The following DHX30 variants were observed in gnomAD, a reference collection of about 807,000 sequenced individuals.
DHX30 encodes the protein ATP-dependent RNA helicase DHX30.
DHX30 carries 4 observed loss-of-function variants against 116.9 expected under a neutral mutation model. The observed-to-expected ratio is 0.03, with a 90% confidence interval of 0.02 to 0.08. The LOEUF is 0.08. Among genes scored for constraint, DHX30 ranks in the 10% least tolerant of loss-of-function variants. DHX30 has a pLI of 1.00. For synonymous variants in DHX30, 697 were observed against 651.7 expected, an observed-to-expected ratio of 1.07 and a Z score of -1.06; for missense variants, 871 against 1,595.1, an observed-to-expected ratio of 0.55 and a Z score of 7.73.
chr3:47,849,139 C>T (rs976741752), intron 18 of DHX30, 53 bp from the exon 19 acceptor site: 4 of 1,613,114 alleles, frequency 2.5e-6, no homozygotes, highest in Non-Finnish European at 2.5e-6. Context: ...GTTTCTGTCA[C>T]CTCCAGCCTG....
Position 47,843,270 on chromosome 3 carries a change from G to A in DHX30, c.939+15G>A, listed in dbSNP as rs371851083. Reference sequence around the variant, plus strand: ...AGAAACTGAAGGTGAGTCCAGGAAGGTCCTGGGTGTGGTGCATGAGAATGT... The same window carrying A: ...AGAAACTGAAGGTGAGTCCAGGAAGATCCTGGGTGTGGTGCATGAGAATGT... On this transcript the variant is annotated intron_variant, in intron 9 of 21. Coordinates refer to ENST00000445061, the MANE Select transcript of DHX30 (RefSeq NM_138615.3). The A allele has an allele frequency of 1.7e-4, 279 of 1,613,872 alleles. No individual in the cohort carries two copies. The highest frequency in any genetic ancestry group is 2.0e-4 in the Non-Finnish European group (235 of 1,179,916).
Position 47,826,177 on chromosome 3 carries a change from CT to C in DHX30, c.125-1166del, listed in dbSNP as rs1314726495. Reference sequence around the variant, plus strand: ...GTGCACATGTGCATATATACAGCTCCTTTTGGAGCTGCCAGAGGCTAGAGTG... The same window carrying C: ...GTGCACATGTGCATATATACAGCTCCTTTGGAGCTGCCAGAGGCTAGAGTG... On this transcript the variant is annotated intron_variant, in intron 4 of 21. Coordinates refer to ENST00000445061, the MANE Select transcript of DHX30 (RefSeq NM_138615.3). The C allele has an allele frequency of 8.5e-5, 13 of 152,330 alleles. No individual in the cohort carries two copies. In the East Asian group the frequency reaches 1.9e-3, roughly 23 times the overall value. 9.4% of individuals were successfully genotyped at this position (152,330 alleles called of 1,614,324 possible).
intron 4 of DHX30, among the ~76,000 whole-genome samples, chr3:47,822,630 C>T (rs1374399330): frequency 2.6e-5 from 4 of 151,672 alleles, no homozygotes; most frequent in Non-Finnish European, 2.9e-5. Flanking sequence ...ACTAAAAATA[C>T]AAAAATTAGC....
chr3:47,839,945 G>T (rs142643832), intron 6 of DHX30, among the ~76,000 whole-genome samples: 3 of 152,160 alleles, frequency 2.0e-5, no homozygotes, highest in Non-Finnish European at 4.4e-5. Flanking sequence ...AGAGTTCTGG[G>T]ATTACAGGTG....
intron 3 of DHX30, chr3:47,816,116 G>A (rs1057201134): frequency 1.4e-5 from 14 of 984,378 alleles, no homozygotes; most frequent in Admixed American, 6.2e-5. Context: ...AAGCACGTCT[G>A]CTGTAACTCT....
At chr3:47,837,165 G>T (rs2037159733) in intron 6 of DHX30, among the ~76,000 whole-genome samples, 1 of 152,230 alleles carries the variant, frequency 6.6e-6, no homozygotes, top group Non-Finnish European at 1.5e-5. Context: ...TCCAGACTCA[G>T]GCCAATGTGG....
intron 4 of DHX30, among the ~76,000 whole-genome samples, chr3:47,824,476 G>T (rs2036446323): frequency 6.6e-6 from 1 of 152,064 alleles, no homozygotes; most frequent in Non-Finnish European, 1.5e-5. Flanking sequence ...ACTTTTAATA[G>T]AGTTGGGGTT....
At chr3:47,836,945 G>A (rs1193044715) in intron 6 of DHX30, among the ~76,000 whole-genome samples, 5 of 152,130 alleles carry the variant, frequency 3.3e-5, no homozygotes, top group African/African-American at 4.8e-5. Context: ...GTTCTTCAGC[G>A]TTTCCCTTTC....
At chr3:47,820,866 A>G (rs1397349682) in intron 4 of DHX30, among the ~76,000 whole-genome samples, 1 of 150,804 alleles carries the variant, frequency 6.6e-6, no homozygotes, top group Non-Finnish European at 1.5e-5. Flanking sequence ...AGAAGGCTTA[A>G]TGTTGGTGTA....
chr3:47,846,661 G>C lies in DHX30; in HGVS notation c.1589G>C (p.Gly530Ala). Reference protein sequence around the residue: ...RLESKPPSRGGALLFCTVGIL... With the variant: ...RLESKPPSRGAALLFCTVGIL... ...GAAAGTAAGCCCCCATCCCGAGGCGGGGCCCTGCTCTTCTGCACTGTGGGT... is the reference window on the plus strand; with the variant it reads ...GAAAGTAAGCCCCCATCCCGAGGCGCGGCCCTGCTCTTCTGCACTGTGGGT... Residue 530 changes from glycine (G) to alanine (A), a missense_variant, in exon 11 of 22, where the codon GGG becomes GCG. Physicochemically the swap from Gly to Ala is moderately conservative, Grantham distance 60 (BLOSUM62 0). Transcript: ENST00000445061. The C allele has an allele frequency of 6.2e-7, 1 of 1,614,042 alleles. No homozygotes were observed. Among genetic ancestry groups the C allele is most frequent in the Non-Finnish European group, 8.5e-7 (1 of 1,179,970 alleles).
At chr3:47,836,390 C>T (rs892228027) in intron 6 of DHX30, among the ~76,000 whole-genome samples, 5 of 152,048 alleles carry the variant, frequency 3.3e-5, no homozygotes, top group Admixed American at 6.6e-5. Context: ...CCTCTGCCTC[C>T]GCCTCCCAAA....
intron 6 of DHX30, among the ~76,000 whole-genome samples, chr3:47,829,785 T>G (rs541765044): frequency 6.6e-6 from 1 of 152,164 alleles, no homozygotes; most frequent in Non-Finnish European, 1.5e-5. Flanking sequence ...CATCATTTCA[T>G]GTAGGTTTTT....
intron 6 of DHX30, among the ~76,000 whole-genome samples, chr3:47,829,732 C>T (rs767508484): frequency 7.2e-5 from 11 of 152,118 alleles, no homozygotes; most frequent in South Asian, 2.1e-4. Context: ...CGACACACAG[C>T]GTGAGGGATA....
At chr3:47,827,315 C>G in intron 4 of DHX30, 32 bp from the exon 5 acceptor site, 1 of 1,580,622 alleles carries the variant, frequency 6.3e-7, no homozygotes, top group Non-Finnish European at 8.6e-7. Flanking sequence ...AGAAAAAGAA[C>G]AACTGTAATG....
At chr3:47,825,092 TGCA>T in intron 4 of DHX30, 1 of 671,166 alleles carries the variant, frequency 1.5e-6, no homozygotes, top group Non-Finnish European at 2.7e-6. Context: ...TCTCCGCGCC[TGCA>T]GCCGCTGGGT....
chr3:47,805,255 A>C, intron 1 of DHX30, 71 bp from the exon 2 acceptor site: 1 of 398,488 alleles, frequency 2.5e-6, no homozygotes, highest in Non-Finnish European at 4.4e-6. Flanking sequence ...TAGAGCTAGT[A>C]AATGATGGTT....
At chr3:47,806,092 A>C (rs910703614) in intron 2 of DHX30, among the ~76,000 whole-genome samples, 3 of 151,038 alleles carry the variant, frequency 2.0e-5, no homozygotes, top group African/African-American at 7.3e-5. Context: ...CCTTAGTTCA[A>C]GCAATTCCCC....
At position 47,850,170 on chromosome 3, in the gene DHX30, T is replaced by TA. The variant is rs765488503; in HGVS notation, c.*53dup. 1.4e-5 allele frequency: 21 copies of TA among 1,503,980 alleles called. 1 individual carries two copies. The South Asian group carries it at 2.4e-4, about 17-fold the overall frequency. 93.2% of individuals were successfully genotyped at this position (1,503,980 alleles called of 1,614,324 possible). A position where few individuals can be genotyped will look rare whatever the true frequency, so the allele number is the denominator to read the frequency against. Reference sequence around the variant, plus strand: ...ACAGAGTGCAAATGTTTATTTAAAATAAAGTTCTATTTATCCCTTGTGACC... The same window carrying TA: ...ACAGAGTGCAAATGTTTATTTAAAATAAAAGTTCTATTTATCCCTTGTGACC... On this transcript the variant is annotated 3_prime_UTR_variant, in exon 22 of 22. Transcript: ENST00000445061.
intron 6 of DHX30, among the ~76,000 whole-genome samples, chr3:47,833,321 TTG>T (rs2036946635): frequency 6.6e-6 from 1 of 151,406 alleles, no homozygotes; most frequent in African/African-American, 2.4e-5. Flanking sequence ...GTCCACGAGT[TTG>T]AGACAAGCCT....
Sources: allele counts gnomAD v4.1 joint callset (sites outside exome capture counted in the v4.1 genomes callset), GRCh38; gene constraint gnomAD v4.1.1; transcripts MANE v1.5; gene names NCBI Gene and HGNC (gene_info 2026-07-23, HGNC 2026-07-21).